PPFIA2: variants seen among roughly 807,000 people sequenced by gnomAD.
PPFIA2 encodes the protein PPFI scaffold protein A2.
PPFIA2 carries 46 observed loss-of-function variants against 175.5 expected under a neutral mutation model. That is an observed-to-expected ratio of 0.26 (90% CI 0.21 to 0.34). PPFIA2 has a LOEUF of 0.34. Ranked by LOEUF, PPFIA2 falls within the 10% of genes least tolerant of loss-of-function variation. The pLI, the probability that PPFIA2 is intolerant of heterozygous loss-of-function variation, is 1.00. For missense variants in PPFIA2, 1,179 were observed against 1,506.1 expected, an observed-to-expected ratio of 0.78 and a Z score of 3.60; for synonymous variants, 568 against 511.4, an observed-to-expected ratio of 1.11 and a Z score of -1.49.
At chr12:81,342,329 CT>C (rs1430189660) in intron 19 of PPFIA2, among the ~76,000 whole-genome samples, 6 of 152,162 alleles carry the variant, frequency 3.9e-5, no homozygotes, top group Admixed American at 2.0e-4. Flanking sequence ...CAGCTAAAGA[CT>C]TATGGCTTTA....
chr12:81,677,543 A>G (rs1489176101), intron 3 of PPFIA2, among the ~76,000 whole-genome samples: 2 of 151,632 alleles, frequency 1.3e-5, no homozygotes, highest in Non-Finnish European at 2.9e-5. Flanking sequence ...TCTATTCACT[A>G]CCTCCATGAG....
intron 21 of PPFIA2, among the ~76,000 whole-genome samples, chr12:81,331,050 A>G (rs1221898371): frequency 1.3e-5 from 2 of 152,260 alleles, no homozygotes; most frequent in African/African-American, 4.8e-5. Flanking sequence ...ACCAAGGAAC[A>G]ATCTAAGTTT....
intron 4 of PPFIA2, among the ~76,000 whole-genome samples, chr12:81,611,725 G>T (rs1359555687): frequency 3.9e-5 from 6 of 152,106 alleles, no homozygotes; most frequent in Non-Finnish European, 8.8e-5. Flanking sequence ...GAGTGGGGAG[G>T]CGGGCCCAAG....
At chr12:81,436,841 G>A in intron 7 of PPFIA2, among the ~76,000 whole-genome samples, 1 of 152,132 alleles carries the variant, frequency 6.6e-6, no homozygotes, top group Admixed American at 6.5e-5. Flanking sequence ...TTTCTAAATA[G>A]GGATTCGAGT....
intron 4 of PPFIA2, among the ~76,000 whole-genome samples, chr12:81,672,805 G>A (rs1390103065): frequency 6.6e-6 from 1 of 151,862 alleles, no homozygotes; most frequent in Non-Finnish European, 1.5e-5. Context: ...ATAACATTTT[G>A]TAACATACAA....
chr12:81,272,269 C>G (rs2039336885), intron 28 of PPFIA2, among the ~76,000 whole-genome samples: 1 of 151,882 alleles, frequency 6.6e-6, no homozygotes, highest in South Asian at 2.1e-4. Context: ...TTTATCATTT[C>G]AATTATTTTC....
intron 8 of PPFIA2, among the ~76,000 whole-genome samples, chr12:81,394,604 C>G (rs547836020): frequency 1.7e-4 from 26 of 151,758 alleles, no homozygotes; most frequent in Admixed American, 9.9e-4. Context: ...AGTTGAACAA[C>G]GAGAACACAT....
rs1045820847 is a variant in PPFIA2, at chr12:81,611,719, G to C, written c.303+65072C>G. The stretch of plus-strand genomic sequence containing the variant: ...CTGGGGCCAATGCCTCTGGGGGAGT[G>C]GGGAGGCGGGCCCAAGTGATGGGCG... On this transcript the variant is annotated intron_variant, in intron 4 of 32. Transcript: ENST00000549396. Among the ~76,000 whole-genome samples the C allele has an allele frequency of 9.2e-5, 14 of 152,186 alleles. No homozygotes were observed. The South Asian group carries it at 2.3e-3, about 25-fold the overall frequency.
At chr12:81,621,706 C>T (rs1194410536) in intron 4 of PPFIA2, among the ~76,000 whole-genome samples, 1 of 152,028 alleles carries the variant, frequency 6.6e-6, no homozygotes, top group African/African-American at 2.4e-5. Flanking sequence ...AATAATTTTC[C>T]TAAAGAAATG....
At chr12:81,522,360 AC>A (rs2153242043) in intron 4 of PPFIA2, among the ~76,000 whole-genome samples, 1 of 152,320 alleles carries the variant, frequency 6.6e-6, no homozygotes, top group African/African-American at 2.4e-5. Context: ...GGATGCAACT[AC>A]ATATGTCTTG....
chr12:81,702,611 T>G (rs534437758), intron 3 of PPFIA2, among the ~76,000 whole-genome samples: 2 of 152,216 alleles, frequency 1.3e-5, no homozygotes, highest in East Asian at 3.9e-4. Flanking sequence ...AGGGGAAGCC[T>G]CCAATGACAC....
chr12:81,705,267 A>G (rs576073103), intron 3 of PPFIA2, among the ~76,000 whole-genome samples: 1 of 150,780 alleles, frequency 6.6e-6, no homozygotes, highest in East Asian at 2.0e-4. Context: ...ATCCTGGCCA[A>G]CACGGTGAAA....
intron 1 of PPFIA2, 57 bp from the exon 2 acceptor site, chr12:81,758,564 G>A (rs528027137): frequency 2.6e-6 from 1 of 388,688 alleles, no homozygotes; most frequent in East Asian, 7.6e-5. Flanking sequence ...CGCCCTCCCG[G>A]AACGTGCCCC....
chr12:81,471,855 T>C lies in PPFIA2; in HGVS notation c.304-13989A>G, dbSNP rs574426917. Among the ~76,000 whole-genome samples the C allele has an allele frequency of 3.8e-4, 58 of 152,282 alleles. 1 individual carries two copies. In the South Asian group the frequency reaches 0.012, roughly 31 times the overall value. ...TGAAAATAGCCATTCTAACAGGTAC[T>C]AGGTGACATAAGGAAATTTTTGAGG... On this transcript the variant is annotated intron_variant, in intron 4 of 32. Transcript: ENST00000549396.
At chr12:81,658,840 C>T (rs2068254777) in intron 4 of PPFIA2, among the ~76,000 whole-genome samples, 1 of 151,930 alleles carries the variant, frequency 6.6e-6, no homozygotes, top group South Asian at 2.1e-4. Context: ...CAAACATTTG[C>T]AATTTCTATG....
intron 7 of PPFIA2, among the ~76,000 whole-genome samples, chr12:81,426,967 C>T (rs899174104): frequency 6.6e-6 from 1 of 151,930 alleles, no homozygotes; most frequent in African/African-American, 2.4e-5. Context: ...TTTAATTAAT[C>T]TTTTATGTAT....
intron 4 of PPFIA2, among the ~76,000 whole-genome samples, chr12:81,603,825 T>TAAAA (rs60363527): frequency 9.7e-6 from 1 of 103,332 alleles, no homozygotes; most frequent in Non-Finnish European, 2.0e-5. Context: ...CTATTCTGAC[T>TAAAA]AAAAAAAAAA....
At chr12:81,467,194 T>C (rs2055825631) in intron 4 of PPFIA2, among the ~76,000 whole-genome samples, 2 of 152,090 alleles carry the variant, frequency 1.3e-5, no homozygotes, top group South Asian at 4.1e-4. Flanking sequence ...ACAGTAAAAA[T>C]ACTCAGCACA....
Position 81,333,057 on chromosome 12 carries a change from C to T in PPFIA2, c.2548+6123G>A, listed in dbSNP as rs530711883. Among the ~76,000 whole-genome samples the T allele has an allele frequency of 1.3e-3, 201 of 152,264 alleles. 2 individuals carry two copies. In the South Asian group the frequency reaches 0.022, roughly 17 times the overall value. ...CAGTATTCCTAGGGTTGAAGTAGAT[C>T]TTAAAGATCATCCAGTCCAATCAGC... On this transcript the variant is annotated intron_variant, in intron 21 of 32. Coordinates refer to ENST00000549396, the MANE Select transcript of PPFIA2 (RefSeq NM_003625.5).
Sources: allele counts gnomAD v4.1 joint callset (sites outside exome capture counted in the v4.1 genomes callset), GRCh38; gene constraint gnomAD v4.1.1; transcripts MANE v1.5; gene names NCBI Gene and HGNC (gene_info 2026-07-23, HGNC 2026-07-21).